PRMT3: variants seen among roughly 807,000 people sequenced by gnomAD.
PRMT3 encodes protein arginine N-methyltransferase 3.
Under a neutral mutation model 71.9 loss-of-function variants are expected in PRMT3, and 62 were observed. That is an observed-to-expected ratio of 0.86 (90% CI 0.70 to 1.07). The LOEUF (loss-of-function observed/expected upper bound fraction) is 1.07, where lower values mean the gene tolerates loss of function less well. PRMT3 is among the 50% of genes least tolerant of loss of function. The pLI is 0.00. For missense variants in PRMT3, 663 were observed against 643.0 expected (o/e 1.03, Z -0.34); for synonymous variants, 213 against 220.4 (o/e 0.97, Z 0.30).
chr11:20,402,873 G>T, intron 7 of PRMT3, 46 bp from the exon 8 acceptor site: 2 of 1,466,510 alleles, frequency 1.4e-6, no homozygotes, highest in Non-Finnish European at 1.9e-6. Flanking sequence ...AAATTTATTT[G>T]TTTAGACTGT....
intron 15 of PRMT3, among the ~76,000 whole-genome samples, chr11:20,497,394 G>A (rs1335764162): frequency 6.6e-6 from 1 of 152,108 alleles, no homozygotes; most frequent in African/African-American, 2.4e-5. Context: ...TAAGACCAAT[G>A]TATCACAAAA....
intron 10 of PRMT3, among the ~76,000 whole-genome samples, chr11:20,448,697 C>A (rs1850084948): frequency 1.3e-5 from 2 of 151,976 alleles, no homozygotes; most frequent in Admixed American, 1.3e-4. Flanking sequence ...TGTATCTAAT[C>A]CAAGAAGATA....
At chr11:20,412,059 A>C (rs1849205099) in intron 9 of PRMT3, among the ~76,000 whole-genome samples, 2 of 152,168 alleles carry the variant, frequency 1.3e-5, no homozygotes, top group African/African-American at 2.4e-5. Context: ...AAGCAGACTT[A>C]TTATTATCTC....
chr11:20,480,967 T>C (rs1036831139), intron 13 of PRMT3, among the ~76,000 whole-genome samples: 4 of 152,178 alleles, frequency 2.6e-5, no homozygotes, highest in Admixed American at 6.5e-5. Flanking sequence ...TGAAACACAG[T>C]TCTGTGGCCT....
At chr11:20,470,516 C>T (rs781206015) in intron 13 of PRMT3, among the ~76,000 whole-genome samples, 2 of 152,164 alleles carry the variant, frequency 1.3e-5, no homozygotes, top group South Asian at 2.1e-4. Context: ...TTCGTTTGCT[C>T]GGGATAACAG....
intron 8 of PRMT3, 121 bp from the exon 9 acceptor site, chr11:20,407,790 G>A (rs1849103923): frequency 9.1e-7 from 1 of 1,097,720 alleles, no homozygotes; most frequent in Non-Finnish European, 1.3e-6. Context: ...CGCCTGGCCA[G>A]TTTCAGATTT....
chr11:20,392,879 G>T lies in PRMT3; in HGVS notation c.298-18G>T. ...ATTATATGTAATGAAAAAAACATGAGATTAATTTTATATCCAGAATCCTAC... is the reference window on the plus strand; with the variant it reads ...ATTATATGTAATGAAAAAAACATGATATTAATTTTATATCCAGAATCCTAC... On this transcript the variant is annotated intron_variant, in intron 4 of 15. Transcript: ENST00000331079. The T allele has an allele frequency of 6.8e-7, 1 of 1,460,938 alleles. No individual in the cohort carries two copies. The allele number at this position is 1,460,938 out of a possible 1,614,324, so 90.5% of individuals were successfully genotyped here. A position where few individuals can be genotyped will look rare whatever the true frequency, so the allele number is the denominator to read the frequency against.
chr11:20,427,312 T>C (rs534826214), intron 10 of PRMT3, among the ~76,000 whole-genome samples: 4 of 152,334 alleles, frequency 2.6e-5, no homozygotes, highest in Admixed American at 2.6e-4. Flanking sequence ...CATTATCACA[T>C]AAAATAGAAT....
At chr11:20,411,947 G>C (rs1217761571) in intron 9 of PRMT3, among the ~76,000 whole-genome samples, 1 of 152,032 alleles carries the variant, frequency 6.6e-6, no homozygotes, top group African/African-American at 2.4e-5. Context: ...ATCCACATAA[G>C]ACTTGTTTTT....
intron 7 of PRMT3, among the ~76,000 whole-genome samples, chr11:20,402,674 A>C (rs951217939): frequency 1.1e-4 from 17 of 152,208 alleles, no homozygotes; most frequent in Non-Finnish European, 8.8e-5. Flanking sequence ...GTCAAGAGGA[A>C]AATGTACGCA....
At chr11:20,482,885 T>C (rs1850975063) in intron 13 of PRMT3, among the ~76,000 whole-genome samples, 1 of 152,042 alleles carries the variant, frequency 6.6e-6, no homozygotes, top group Admixed American at 6.6e-5. Flanking sequence ...ATTTGATATA[T>C]ATACCAGATG....
chr11:20,413,926 CTA>C (rs1849248200), intron 9 of PRMT3, among the ~76,000 whole-genome samples: 1 of 152,126 alleles, frequency 6.6e-6, no homozygotes, highest in African/African-American at 2.4e-5. Context: ...GGTCAGAAGT[CTA>C]TATACAGCAG....
chr11:20,493,990 C>G (rs771319353), intron 14 of PRMT3, 21 bp downstream of exon 14: 15 of 1,538,450 alleles, frequency 9.8e-6, no homozygotes, highest in Non-Finnish European at 1.3e-5. Flanking sequence ...TGAATTATCT[C>G]ATAAGAATTA....
rs865943384 is a variant in PRMT3 at position 20,477,806 on chromosome 11, C to G, written c.1347+13260C>G. Among the ~76,000 whole-genome samples the G allele has an allele frequency of 7.2e-5, 10 of 139,674 alleles. No homozygotes were observed. The East Asian group carries it at 1.7e-3, about 24-fold the overall frequency. The allele number at this position is 139,674 out of a possible 152,430, so 91.6% of individuals were successfully genotyped here. ...GAAGGTTTTGGCTTAGGAGAAACCCCCCCCCCCCACTTCCTGTTTTGCAGC... is the reference window on the plus strand; with the variant it reads ...GAAGGTTTTGGCTTAGGAGAAACCCGCCCCCCCCACTTCCTGTTTTGCAGC... On this transcript the variant is annotated intron_variant, in intron 13 of 15. Transcript: ENST00000331079.
intron 10 of PRMT3, among the ~76,000 whole-genome samples, chr11:20,442,100 G>A (rs1849921286): frequency 6.6e-6 from 1 of 152,138 alleles, no homozygotes; most frequent in Admixed American, 6.5e-5. Context: ...GCTAGTTTCA[G>A]AACTTAAATA....
At chr11:20,401,140 G>T (rs1848939710) in intron 7 of PRMT3, among the ~76,000 whole-genome samples, 1 of 152,114 alleles carries the variant, frequency 6.6e-6, no homozygotes, top group South Asian at 2.1e-4. Context: ...TTGAGCAGCA[G>T]TGCATGGCAT....
At chr11:20,416,373 T>G (rs1240542050) in intron 9 of PRMT3, among the ~76,000 whole-genome samples, 1 of 152,182 alleles carries the variant, frequency 6.6e-6, no homozygotes, top group Non-Finnish European at 1.5e-5. Context: ...TCAAAAGCCT[T>G]AGGTCACAGA....
chr11:20,504,361 T>C (rs1327585404), intron 15 of PRMT3, among the ~76,000 whole-genome samples: 1 of 152,202 alleles, frequency 6.6e-6, no homozygotes. Flanking sequence ...TGTATGTCTG[T>C]CCTTGTGCCT....
In PRMT3 at chr11:20,417,234, C is replaced by A. The variant is rs533544311; in HGVS notation, c.893+9202C>A. 3.3e-5 allele frequency among the ~76,000 whole-genome samples: 5 copies of A among 152,228 alleles called. No individual in the cohort carries two copies. In the South Asian group the frequency reaches 8.3e-4, roughly 25 times the overall value. ...TCTCCATGCATTTATCAGTGTCTTA[C>A]ATTTTACGTTATTGTCATTTCACTG... On this transcript the variant is annotated intron_variant, in intron 9 of 15. Transcript: ENST00000331079.
Sources: allele counts gnomAD v4.1 joint callset (sites outside exome capture counted in the v4.1 genomes callset), GRCh38; gene constraint gnomAD v4.1.1; transcripts MANE v1.5; gene names NCBI Gene and HGNC (gene_info 2026-07-23, HGNC 2026-07-21).